KCNH8: variants seen among roughly 807,000 people sequenced by gnomAD.
KCNH8 encodes the protein potassium voltage-gated channel subfamily H member 8.
Under a neutral mutation model 103.6 loss-of-function variants are expected in KCNH8, and 70 were observed. That is an observed-to-expected ratio of 0.68 (90% CI 0.56 to 0.82). The LOEUF (loss-of-function observed/expected upper bound fraction) is 0.82, where lower values mean the gene tolerates loss of function less well. Among genes scored for constraint, KCNH8 ranks in the 40% least tolerant of loss-of-function variants. The pLI is 0.00. For missense variants in KCNH8, 1,217 were observed against 1,329.9 expected (o/e 0.92, Z 1.32); for synonymous variants, 498 against 489.4 (o/e 1.02, Z -0.23).
At chr3:19,466,001 C>T (rs548776900) in intron 11 of KCNH8, among the ~76,000 whole-genome samples, 1 of 152,084 alleles carries the variant, frequency 6.6e-6, no homozygotes, top group Non-Finnish European at 1.5e-5. Context: ...GTGGCATGAT[C>T]ACAGCTCATT....
intron 3 of KCNH8, among the ~76,000 whole-genome samples, chr3:19,311,679 T>G (rs2065210349): frequency 6.6e-6 from 1 of 151,774 alleles, no homozygotes; most frequent in African/African-American, 2.4e-5. Flanking sequence ...GAGTGTTATT[T>G]GATACAGACC....
intron 7 of KCNH8, among the ~76,000 whole-genome samples, chr3:19,403,180 A>T (rs990066864): frequency 6.6e-6 from 1 of 151,378 alleles, no homozygotes; most frequent in African/African-American, 2.4e-5. Context: ...CTGATTTATA[A>T]AACAGTATCC....
Position 19,514,440 on chromosome 3 carries a change from T to C in KCNH8, c.2436-882T>C, listed in dbSNP as rs149345084. Among the ~76,000 whole-genome samples, 11 of 152,026 alleles carry C rather than the reference T, an allele frequency of 7.2e-5. No individual in the cohort carries two copies. In the East Asian group the frequency reaches 7.7e-4, roughly 11 times the overall value. On this transcript the variant is annotated intron_variant, in intron 13 of 15. Coordinates refer to ENST00000328405, the MANE Select transcript of KCNH8 (RefSeq NM_144633.3). ...AAATTATAAATAGGAAGAGACTGTA[T>C]TGGAGCTGAGAAAGGTTTATATACA...
Position 19,516,887 on chromosome 3 carries a change from T to TTACTC in KCNH8, c.2543-1108_2543-1104dup, listed in dbSNP as rs554397462. Among the ~76,000 whole-genome samples, 363 of 152,222 alleles carry TTACTC rather than the reference T, an allele frequency of 2.4e-3. 1 individual carries two copies. The highest frequency in any genetic ancestry group is 6.8e-3 in the Middle Eastern group (2 of 294). On this transcript the variant is annotated intron_variant, in intron 14 of 15. Coordinates refer to ENST00000328405, the MANE Select transcript of KCNH8 (RefSeq NM_144633.3). ...TTTTATTAATTCAAATTTATTTGTATTACTCTATTCCTATGCTTAAAACCC... is the reference window on the plus strand; with the variant it reads ...TTTTATTAATTCAAATTTATTTGTATTACTCTACTCTATTCCTATGCTTAAAACCC...
intron 11 of KCNH8, among the ~76,000 whole-genome samples, chr3:19,490,732 G>A (rs1366315046): frequency 2.0e-5 from 3 of 152,150 alleles, no homozygotes; most frequent in African/African-American, 7.2e-5. Context: ...ATCTCCCTGG[G>A]CAATAGTGTT....
chr3:19,180,086 T>C (rs972037364), intron 1 of KCNH8, among the ~76,000 whole-genome samples: 1 of 152,130 alleles, frequency 6.6e-6, no homozygotes, highest in African/African-American at 2.4e-5. Flanking sequence ...CATTTAAAAG[T>C]CAAAATCATG....
At chr3:19,515,154 A>T (rs1337377544) in intron 13 of KCNH8, among the ~76,000 whole-genome samples, 168 bp from the exon 14 acceptor site, 1 of 151,562 alleles carries the variant, frequency 6.6e-6, no homozygotes, top group South Asian at 2.1e-4. Flanking sequence ...CACAAACCAC[A>T]TTTCAAGTAC....
intron 11 of KCNH8, among the ~76,000 whole-genome samples, chr3:19,507,454 C>T (rs906168063): frequency 1.3e-5 from 2 of 152,128 alleles, no homozygotes; most frequent in African/African-American, 2.4e-5. Flanking sequence ...GATTCCTCTC[C>T]TTATGGTGTG....
intron 11 of KCNH8, among the ~76,000 whole-genome samples, chr3:19,498,260 G>A (rs985032314): frequency 2.4e-4 from 37 of 152,274 alleles, no homozygotes; most frequent in African/African-American, 8.2e-4. Flanking sequence ...ATTTATATGT[G>A]TGGATTTGAT....
chr3:19,468,044 C>T lies in KCNH8; in HGVS notation c.2040+11062C>T, dbSNP rs921474637. ...GTGCTACTCCTCTGCCCTTACCTGACAGTCTGCTCTGGAGTTTGCCCTCTC... is the reference window on the plus strand; with the variant it reads ...GTGCTACTCCTCTGCCCTTACCTGATAGTCTGCTCTGGAGTTTGCCCTCTC... On this transcript the variant is annotated intron_variant, in intron 11 of 15. Transcript: ENST00000328405. Among the ~76,000 whole-genome samples the T allele has an allele frequency of 1.1e-4, 17 of 152,278 alleles. No individual in the cohort carries two copies. The Middle Eastern group carries it at 0.01, about 91-fold the overall frequency.
At chr3:19,525,133 C>T (rs2069041749) in intron 15 of KCNH8, among the ~76,000 whole-genome samples, 2 of 151,946 alleles carry the variant, frequency 1.3e-5, no homozygotes, top group South Asian at 4.1e-4. Flanking sequence ...ATAAGCTCAA[C>T]TTAGTCATTC....
At chr3:19,205,926 A>G (rs1451454096) in intron 1 of KCNH8, among the ~76,000 whole-genome samples, 1 of 151,764 alleles carries the variant, frequency 6.6e-6, no homozygotes, top group Non-Finnish European at 1.5e-5. Flanking sequence ...AGCAGTATAC[A>G]CTGAACCCAG....
intron 11 of KCNH8, among the ~76,000 whole-genome samples, chr3:19,486,892 C>T (rs1454667462): frequency 6.6e-6 from 1 of 152,192 alleles, no homozygotes; most frequent in African/African-American, 2.4e-5. Flanking sequence ...GCTCCCCTTT[C>T]CGAATAGTGA....
intron 3 of KCNH8, among the ~76,000 whole-genome samples, chr3:19,318,237 T>C (rs1182781580): frequency 6.6e-6 from 1 of 151,874 alleles, no homozygotes; most frequent in Admixed American, 6.6e-5. Context: ...CACATTGCTA[T>C]AAAGAAATAC....
chr3:19,303,741 AC>A (rs1163231582), intron 3 of KCNH8, among the ~76,000 whole-genome samples: 2 of 152,094 alleles, frequency 1.3e-5, no homozygotes, highest in Non-Finnish European at 2.9e-5. Context: ...TGCCAGGATG[AC>A]CTTTCAGAAT....
At chr3:19,433,068 C>T (rs2067146741) in intron 7 of KCNH8, among the ~76,000 whole-genome samples, 1 of 152,022 alleles carries the variant, frequency 6.6e-6, no homozygotes, top group Non-Finnish European at 1.5e-5. Context: ...CGATACTGTA[C>T]AATCTTTCAA....
Position 19,414,927 on chromosome 3 carries a change from TAACA to T in KCNH8, c.1177+19617_1177+19620del, listed in dbSNP as rs200394597. Among the ~76,000 whole-genome samples the T allele has an allele frequency of 2.6e-4, 39 of 152,144 alleles. No individual in the cohort carries two copies. In the East Asian group the frequency reaches 3.9e-3, roughly 15 times the overall value. ...AGAAACCTGCCAGAAATTATTGTCTTAACATTTTGCCATAATTGCTTAATTTCTA... is the reference window on the plus strand; with the variant it reads ...AGAAACCTGCCAGAAATTATTGTCTTTTTTGCCATAATTGCTTAATTTCTA... On this transcript the variant is annotated intron_variant, in intron 7 of 15. Coordinates refer to ENST00000328405, the MANE Select transcript of KCNH8 (RefSeq NM_144633.3).
chr3:19,475,721 G>A (rs1559345538), intron 11 of KCNH8, among the ~76,000 whole-genome samples: 1 of 152,184 alleles, frequency 6.6e-6, no homozygotes, highest in Non-Finnish European at 1.5e-5. Flanking sequence ...GAGACCGAGG[G>A]AAGGAAACTA....
At chr3:19,296,181 G>C (rs2064994809) in intron 3 of KCNH8, among the ~76,000 whole-genome samples, 1 of 152,174 alleles carries the variant, frequency 6.6e-6, no homozygotes, top group Non-Finnish European at 1.5e-5. Flanking sequence ...TCACATAGTT[G>C]CTTCAGTCTT....
Sources: allele counts gnomAD v4.1 joint callset (sites outside exome capture counted in the v4.1 genomes callset), GRCh38; gene constraint gnomAD v4.1.1; transcripts MANE v1.5; gene names NCBI Gene and HGNC (gene_info 2026-07-23, HGNC 2026-07-21).